Variants in MCPH1 observed in about 807,000 individuals in gnomAD.
MCPH1 encodes microcephalin.
In MCPH1, 104 loss-of-function variants were observed where a neutral mutation model predicts 84.5. That is an observed-to-expected ratio of 1.23 (90% CI 1.05 to 1.45). The LOEUF is 1.45. MCPH1 is among the 40% of genes most tolerant of loss of function. The pLI, the probability that MCPH1 is intolerant of heterozygous loss-of-function variation, is 0.00. For synonymous variants in MCPH1, 514 were observed against 366.8 expected (o/e 1.40, Z -4.58); for missense variants, 1,498 against 1,005.7 (o/e 1.49, Z -6.62).
intron 11 of MCPH1, among the ~76,000 whole-genome samples, chr8:6,492,754 A>C (rs941831411): frequency 4.7e-5 from 7 of 149,118 alleles, no homozygotes; most frequent in Non-Finnish European, 7.4e-5. Flanking sequence ...ATAATTATTT[A>C]ATATTATAAA....
chr8:6,528,197 C>T (rs571055617), intron 12 of MCPH1, among the ~76,000 whole-genome samples: 13 of 152,242 alleles, frequency 8.5e-5, no homozygotes, highest in African/African-American at 2.6e-4. Flanking sequence ...TGCACCCGGC[C>T]GTTATGTCTC....
chr8:6,593,700 G>A (rs1371516944), intron 12 of MCPH1, among the ~76,000 whole-genome samples: 2 of 152,032 alleles, frequency 1.3e-5, no homozygotes, highest in Non-Finnish European at 2.9e-5. Context: ...CTCTGGTTGC[G>A]GTCTTAGGCA....
chr8:6,456,034 T>C (rs1805640689), intron 9 of MCPH1, among the ~76,000 whole-genome samples: 1 of 152,212 alleles, frequency 6.6e-6, no homozygotes, highest in Admixed American at 6.5e-5. Context: ...AAGAGAAACC[T>C]GACTCCTTTG....
intron 9 of MCPH1, among the ~76,000 whole-genome samples, chr8:6,463,833 C>A (rs1806549237): frequency 6.6e-6 from 1 of 152,192 alleles, no homozygotes; most frequent in Non-Finnish European, 1.5e-5. Flanking sequence ...TTTATGAATG[C>A]AGTTTTACAG....
chr8:6,408,797 A>C (rs1308466040), intron 1 of MCPH1, among the ~76,000 whole-genome samples: 1 of 152,104 alleles, frequency 6.6e-6, no homozygotes, highest in Non-Finnish European at 1.5e-5. Flanking sequence ...TTCTGTGCCC[A>C]AGTGATCCCA....
chr8:6,505,461 T>G (rs1813343528), intron 12 of MCPH1, among the ~76,000 whole-genome samples: 1 of 69,842 alleles, frequency 1.4e-5, no homozygotes, highest in African/African-American at 5.1e-5. Flanking sequence ...ATAGAATATA[T>G]ATATTCTTTA....
intron 9 of MCPH1, among the ~76,000 whole-genome samples, chr8:6,458,032 C>T (rs948288608): frequency 3.9e-5 from 6 of 152,142 alleles, no homozygotes; most frequent in East Asian, 1.9e-4. Context: ...GATTCTAATG[C>T]AAAGCAGAGT....
intron 11 of MCPH1, among the ~76,000 whole-genome samples, chr8:6,494,953 C>T (rs1052550141): frequency 6.6e-6 from 1 of 152,158 alleles, no homozygotes; most frequent in Non-Finnish European, 1.5e-5. Context: ...TAAGGCACCA[C>T]TACAACTACT....
chr8:6,510,939 C>A (rs1055941375), intron 12 of MCPH1, among the ~76,000 whole-genome samples: 1 of 152,174 alleles, frequency 6.6e-6, no homozygotes, highest in Non-Finnish European at 1.5e-5. Context: ...ATGCCTGCTG[C>A]AAAATGCTAA....
intron 12 of MCPH1, among the ~76,000 whole-genome samples, chr8:6,564,021 G>C (rs1056619286): frequency 7.7e-6 from 1 of 129,852 alleles, no homozygotes; most frequent in Non-Finnish European, 1.5e-5. Context: ...TCGCTCTGTC[G>C]ACCAGGCTAG....
At chr8:6,635,650 T>G (rs867951636) in intron 13 of MCPH1, among the ~76,000 whole-genome samples, 1 of 152,204 alleles carries the variant, frequency 6.6e-6, no homozygotes, top group South Asian at 2.1e-4. Flanking sequence ...TTGTGTACAC[T>G]GAACCAACAG....
intron 12 of MCPH1, among the ~76,000 whole-genome samples, chr8:6,516,660 G>C (rs943409789): frequency 5.3e-5 from 8 of 152,082 alleles, no homozygotes; most frequent in African/African-American, 1.9e-4. Context: ...AGCTACTTTG[G>C]TTTGAGGATT....
chr8:6,438,835 T>A (rs373214546), intron 5 of MCPH1, 118 bp from the exon 6 acceptor site: 2 of 839,632 alleles, frequency 2.4e-6, no homozygotes, highest in Admixed American at 4.0e-5. Context: ...GAGTAGGTAA[T>A]GATGTTGAAA....
intron 12 of MCPH1, among the ~76,000 whole-genome samples, chr8:6,578,047 G>A (rs1348111871): frequency 6.6e-6 from 1 of 152,148 alleles, no homozygotes; most frequent in South Asian, 2.1e-4. Context: ...TTTGGGGAGA[G>A]CCTCACTCCC....
intron 1 of MCPH1, among the ~76,000 whole-genome samples, chr8:6,407,438 C>A (rs1003320591): frequency 1.3e-5 from 2 of 152,046 alleles, no homozygotes; most frequent in Non-Finnish European, 2.9e-5. Context: ...GGCCTTAGAC[C>A]GGAGCTGCTG....
intron 8 of MCPH1, among the ~76,000 whole-genome samples, chr8:6,452,682 C>G (rs1471521333): frequency 6.6e-6 from 1 of 152,156 alleles, no homozygotes; most frequent in Non-Finnish European, 1.5e-5. Context: ...ATAAAAAGAC[C>G]AGAGAACTGG....
At chr8:6,438,821 G>A in intron 5 of MCPH1, 132 bp from the exon 6 acceptor site, 1 of 753,766 alleles carries the variant, frequency 1.3e-6, no homozygotes, top group Non-Finnish European at 2.2e-6. Context: ...TAGAATATTA[G>A]CAGGAGTAGG....
rs966237896 is a variant in MCPH1, at chr8:6,645,811, CT to C, written c.*2764del. Reference sequence around the variant, plus strand: ...TAAAAATAAACAAAATAGGAATAGACTTGGCAACAGTTGTAACATCTGTATA... The same window carrying C: ...TAAAAATAAACAAAATAGGAATAGACTGGCAACAGTTGTAACATCTGTATA... On this transcript the variant is annotated 3_prime_UTR_variant, in exon 14 of 14. Coordinates refer to ENST00000344683, the MANE Select transcript of MCPH1 (RefSeq NM_024596.5). 5.3e-5 allele frequency: 8 copies of C among 152,066 alleles called. No individual in the cohort carries two copies. The highest frequency in any genetic ancestry group is 1.9e-4 in the African/African-American group (8 of 41,390). 9.4% of individuals were successfully genotyped at this position (152,066 alleles called of 1,614,324 possible). A position where few individuals can be genotyped will look rare whatever the true frequency, so the allele number is the denominator to read the frequency against.
chr8:6,428,954 T>G (rs1374720421), intron 3 of MCPH1, among the ~76,000 whole-genome samples: 1 of 152,236 alleles, frequency 6.6e-6, no homozygotes, highest in African/African-American at 2.4e-5. Flanking sequence ...GGTTTTTCAG[T>G]TTCAGGTATT....
Sources: allele counts gnomAD v4.1 joint callset (sites outside exome capture counted in the v4.1 genomes callset), GRCh38; gene constraint gnomAD v4.1.1; transcripts MANE v1.5; gene names NCBI Gene and HGNC (gene_info 2026-07-23, HGNC 2026-07-21).